KDM2A: variants seen among roughly 807,000 people sequenced by gnomAD.
The protein encoded by KDM2A is lysine demethylase 2A.
Under a neutral mutation model 137.3 loss-of-function variants are expected in KDM2A, and 3 were observed. That is an observed-to-expected ratio of 0.02 (90% CI 0.01 to 0.06). The LOEUF (loss-of-function observed/expected upper bound fraction) is 0.06. KDM2A is among the 10% of genes least tolerant of loss of function. The pLI, the probability that KDM2A is intolerant of heterozygous loss-of-function variation, is 1.00. For missense variants in KDM2A, 738 were observed against 1,510.6 expected, an observed-to-expected ratio of 0.49 and a Z score of 8.48; for synonymous variants, 512 against 541.5, an observed-to-expected ratio of 0.95 and a Z score of 0.76.
chr11:67,205,519 C>G (rs1857775734), intron 5 of KDM2A, among the ~76,000 whole-genome samples: 1 of 152,122 alleles, frequency 6.6e-6, no homozygotes, highest in African/African-American at 2.4e-5. Context: ...CCTCGACCTC[C>G]TGGGCTCAGG....
chr11:67,190,879 T>A (rs548478438), intron 5 of KDM2A, among the ~76,000 whole-genome samples: 79 of 152,282 alleles, frequency 5.2e-4, no homozygotes, highest in African/African-American at 1.9e-3. Flanking sequence ...AAAATTTGAA[T>A]AGAACTATAT....
chr11:67,224,497 G>A (rs1272823787), intron 10 of KDM2A, among the ~76,000 whole-genome samples: 4 of 108,700 alleles, frequency 3.7e-5, no homozygotes, highest in African/African-American at 7.5e-5. Context: ...ACAGAGTCTC[G>A]CTCTGTCCCC....
intron 2 of KDM2A, among the ~76,000 whole-genome samples, chr11:67,136,802 G>T (rs899086704): frequency 2.0e-5 from 3 of 152,148 alleles, no homozygotes; most frequent in Non-Finnish European, 4.4e-5. Flanking sequence ...CATGTAGGGC[G>T]CTCTGGCTTA....
rs745316900 is a variant in KDM2A, at chr11:67,217,855, A to G, written c.812A>G (p.Lys271Arg). The part of the protein sequence containing the change: ...RVSDCQRIEL[K>R]QGYTFVIPSG... The stretch of plus-strand genomic sequence containing the variant: ...TCAGATTGTCAGCGCATTGAGCTCA[A>G]GCAGGGCTATACCTTCGTCATTCCC... The change falls in exon 9 of 21, where the codon AAG becomes AGG. Residue 271 changes from lysine (K) to arginine (R), a missense_variant. Around this residue, in one of 9 missense-constraint regions of KDM2A, gnomAD observed 43 missense variants for 254.6 expected, o/e 0.17. Transcript: ENST00000529006. 6.2e-7 allele frequency: 1 copy of G among 1,613,106 alleles called. No individual in the cohort carries two copies. Among genetic ancestry groups the G allele is most frequent in the Non-Finnish European group, 8.5e-7 (1 of 1,179,526 alleles).
At chr11:67,173,196 C>T (rs925684101) in intron 2 of KDM2A, among the ~76,000 whole-genome samples, 2 of 152,166 alleles carry the variant, frequency 1.3e-5, no homozygotes, top group Non-Finnish European at 2.9e-5. Context: ...GATCTCAGCA[C>T]ACTGCAACCT....
chr11:67,150,144 G>A (rs1423538735), intron 2 of KDM2A, among the ~76,000 whole-genome samples: 2 of 152,194 alleles, frequency 1.3e-5, no homozygotes, highest in Non-Finnish European at 2.9e-5. Flanking sequence ...TTTAATTAAA[G>A]GGAAGAAACT....
In KDM2A at chr11:67,132,657, G is replaced by A. The variant is rs547810480; in HGVS notation, c.42+11299G>A. Reference sequence around the variant, plus strand: ...GGAGTAATGTCTCCAGTTTCAGGTCGGGGTGGTCTAGAAAGAAATTCAAAT... The same window carrying A: ...GGAGTAATGTCTCCAGTTTCAGGTCAGGGTGGTCTAGAAAGAAATTCAAAT... On this transcript the variant is annotated intron_variant, in intron 2 of 20. Coordinates refer to ENST00000529006, the MANE Select transcript of KDM2A (RefSeq NM_012308.3). 6.6e-5 allele frequency among the ~76,000 whole-genome samples: 10 copies of A among 152,284 alleles called. No individual in the cohort carries two copies. In the South Asian group the frequency reaches 1.2e-3, roughly 19 times the overall value.
In KDM2A at chr11:67,250,505, C is replaced by T; in HGVS notation, c.2475C>T (p.Ser825=). 6.2e-6 allele frequency: 10 copies of T among 1,614,062 alleles called. No individual in the cohort carries two copies. The highest frequency in any genetic ancestry group is 8.5e-6 in the Non-Finnish European group (10 of 1,179,906). ...IVPKLQAITA[S]SANLRHSPRV... is the part of the protein sequence containing the mutation. Reference sequence around the variant, plus strand: ...CCAAGCTGCAGGCCATCACGGCCTCCTCTGCCAACCTTCGCCATTCCCCCC... The same window carrying T: ...CCAAGCTGCAGGCCATCACGGCCTCTTCTGCCAACCTTCGCCATTCCCCCC... Residue 825 remains serine (S), a synonymous_variant, in exon 17 of 21, where the codon TCC becomes TCT. Transcript: ENST00000529006. This position sits in a 1 kb window ranked among gnomAD's most constrained non-coding sequence, Gnocchi z 7.1.
intron 2 of KDM2A, among the ~76,000 whole-genome samples, chr11:67,160,244 T>C (rs1856604728): frequency 6.6e-6 from 1 of 152,190 alleles, no homozygotes; most frequent in African/African-American, 2.4e-5. Context: ...AGTTTGTCTT[T>C]GTAGCCTCGA....
chr11:67,154,023 C>T lies in KDM2A; in HGVS notation c.43-26056C>T, dbSNP rs184046121. On this transcript the variant is annotated intron_variant, in intron 2 of 20. Transcript: ENST00000529006. ...AGAACATGATCTTACCACAGATTTA[C>T]GGTTATACTGAAGAAAATTCAAATT... Among the ~76,000 whole-genome samples, 30 of 152,202 alleles carry T rather than the reference C, an allele frequency of 2.0e-4. No individual in the cohort carries two copies. The East Asian group carries it at 2.5e-3, about 13-fold the overall frequency.
At chr11:67,202,376 C>G (rs535504898) in intron 5 of KDM2A, among the ~76,000 whole-genome samples, 9 of 152,138 alleles carry the variant, frequency 5.9e-5, no homozygotes, top group Non-Finnish European at 1.2e-4. Context: ...GAAAGACGTT[C>G]TACCATGGGT....
At chr11:67,215,514 T>C in intron 7 of KDM2A, 68 bp downstream of exon 7, 1 of 1,011,244 alleles carries the variant, frequency 9.9e-7, no homozygotes, top group Non-Finnish European at 1.5e-6. Flanking sequence ...AGGATTGGCT[T>C]CTCCCTTACG....
At chr11:67,132,086 G>T (rs1196304501) in intron 2 of KDM2A, 2 of 152,222 alleles carry the variant, frequency 1.3e-5, no homozygotes, top group South Asian at 2.1e-4. Flanking sequence ...AGGTAGAGAG[G>T]AGGAGGGAAG....
rs952499873 is a variant in KDM2A at position 67,133,829 on chromosome 11, G to T, written c.42+12471G>T. 1.4e-4 allele frequency among the ~76,000 whole-genome samples: 21 copies of T among 152,118 alleles called. No individual in the cohort carries two copies. In the East Asian group the frequency reaches 4.1e-3, roughly 29 times the overall value. ...CGATTCTCCTGCCTCAGCCAGCTGGGTTTACAGCCCTGCGCCACCACACCC... is the reference window on the plus strand; with the variant it reads ...CGATTCTCCTGCCTCAGCCAGCTGGTTTTACAGCCCTGCGCCACCACACCC... On this transcript the variant is annotated intron_variant, in intron 2 of 20. Transcript: ENST00000529006.
In KDM2A at chr11:67,257,197, G is replaced by C. The variant is rs1859641545; in HGVS notation, c.*2142G>C. 1 of 152,316 alleles carries C rather than the reference G, an allele frequency of 6.6e-6. No homozygotes were observed. Among genetic ancestry groups the C allele is most frequent in the African/African-American group, 2.4e-5 (1 of 41,440 alleles). 9.4% of individuals were successfully genotyped at this position (152,316 alleles called of 1,614,324 possible). On this transcript the variant is annotated 3_prime_UTR_variant, in exon 21 of 21. Transcript: ENST00000529006. The stretch of plus-strand genomic sequence containing the variant: ...CTGACTTTGGGACATTTCATCCACA[G>C]AAATTTCCAAGCCAATGGTTTCTTT...
intron 2 of KDM2A, among the ~76,000 whole-genome samples, chr11:67,145,679 A>G (rs1856227019): frequency 6.6e-6 from 1 of 151,896 alleles, no homozygotes; most frequent in East Asian, 1.9e-4. Context: ...TTTCCATTAT[A>G]CCATATTCTC....
intron 2 of KDM2A, among the ~76,000 whole-genome samples, chr11:67,177,877 A>G (rs1857004175): frequency 6.6e-6 from 1 of 152,208 alleles, no homozygotes; most frequent in Non-Finnish European, 1.5e-5. Flanking sequence ...AAACGAGAGT[A>G]ATGTGTTGTG....
chr11:67,158,155 G>C (rs1055877630), intron 2 of KDM2A, among the ~76,000 whole-genome samples: 1 of 152,018 alleles, frequency 6.6e-6, no homozygotes, highest in South Asian at 2.1e-4. Context: ...GCTGTCTGTA[G>C]TTTTGCCCTT....
intron 10 of KDM2A, among the ~76,000 whole-genome samples, chr11:67,224,325 C>T (rs531927525): frequency 6.6e-6 from 1 of 152,030 alleles, no homozygotes; most frequent in African/African-American, 2.4e-5. Context: ...AGCTGTATGG[C>T]CAGATATGGT....
Sources: allele counts gnomAD v4.1 joint callset (sites outside exome capture counted in the v4.1 genomes callset), GRCh38; gene constraint gnomAD v4.1.1; regional missense constraint gnomAD v4.1.1; non-coding constraint Gnocchi (gnomAD v3.1); transcripts MANE v1.5; gene names NCBI Gene and HGNC (gene_info 2026-07-23, HGNC 2026-07-21).